Variants in SEMA5A observed in about 807,000 individuals in gnomAD.
The protein encoded by SEMA5A is semaphorin-5A.
SEMA5A carries 55 observed loss-of-function variants against 135.5 expected under a neutral mutation model. The ratio of observed to expected loss-of-function variants is 0.41; its 90% CI spans 0.33 to 0.51. SEMA5A has a LOEUF of 0.51. Ranked by LOEUF, SEMA5A falls within the 20% of genes least tolerant of loss-of-function variation. SEMA5A has a pLI of 0.37. For missense variants in SEMA5A, 1,290 were observed against 1,419.9 expected (o/e 0.91, Z 1.47); for synonymous variants, 580 against 546.5 (o/e 1.06, Z -0.85).
At chr5:9,416,507 G>A (rs865943026) in intron 2 of SEMA5A, among the ~76,000 whole-genome samples, 5 of 152,244 alleles carry the variant, frequency 3.3e-5, no homozygotes, top group African/African-American at 4.8e-5. Flanking sequence ...TGCCTACCTC[G>A]CCCCTACCCC....
rs370138970 is a variant in SEMA5A, at chr5:9,245,479, G to A, written c.271-7589C>T. Among the ~76,000 whole-genome samples the A allele has an allele frequency of 2.9e-4, 44 of 151,952 alleles. No homozygotes were observed. In the East Asian group the frequency reaches 3.7e-3, roughly 13 times the overall value. The stretch of plus-strand genomic sequence containing the variant: ...GTGACTGCTGAGTCATAACACCCTC[G>A]GTATCCAAGCATTTCTGTATTTTGT... On this transcript the variant is annotated intron_variant, in intron 5 of 22. Transcript: ENST00000382496.
intron 6 of SEMA5A, among the ~76,000 whole-genome samples, chr5:9,229,523 G>A (rs1372332196): frequency 6.6e-6 from 1 of 152,122 alleles, no homozygotes; most frequent in Non-Finnish European, 1.5e-5. Context: ...GCCTGTCAGA[G>A]GAGACCCACA....
chr5:9,108,361 C>T, intron 15 of SEMA5A, 74 bp from the exon 16 acceptor site: 1 of 1,550,758 alleles, frequency 6.4e-7, no homozygotes, highest in South Asian at 1.2e-5. Flanking sequence ...CCATCTCCAT[C>T]CCTGCACCAG....
chr5:9,060,490 T>C (rs747615569), intron 18 of SEMA5A, among the ~76,000 whole-genome samples: 6 of 152,092 alleles, frequency 3.9e-5, no homozygotes, highest in Non-Finnish European at 8.8e-5. Context: ...TGTTCCAGTT[T>C]ATAGCATGGA....
At chr5:9,324,489 C>T (rs1375405432) in intron 4 of SEMA5A, among the ~76,000 whole-genome samples, 1 of 152,182 alleles carries the variant, frequency 6.6e-6, no homozygotes, top group East Asian at 1.9e-4. Context: ...AATCTCTTTC[C>T]TTGAACTATT....
intron 1 of SEMA5A, among the ~76,000 whole-genome samples, chr5:9,469,243 G>T (rs1278014884): frequency 6.6e-6 from 1 of 152,154 alleles, no homozygotes; most frequent in Non-Finnish European, 1.5e-5. Flanking sequence ...TCCTGACCTT[G>T]TGATCCACCT....
chr5:9,275,932 C>T (rs549728339), intron 5 of SEMA5A, among the ~76,000 whole-genome samples: 44 of 152,262 alleles, frequency 2.9e-4, no homozygotes, highest in African/African-American at 8.7e-4. Flanking sequence ...ACCACTCCAA[C>T]TCAACATAAT....
At chr5:9,482,137 A>C (rs1759901392) in intron 1 of SEMA5A, among the ~76,000 whole-genome samples, 1 of 152,194 alleles carries the variant, frequency 6.6e-6, no homozygotes, top group Admixed American at 6.5e-5. Context: ...AGTCCAGTTG[A>C]GTACAGAGTG....
intron 5 of SEMA5A, among the ~76,000 whole-genome samples, chr5:9,275,697 G>A (rs771571633): frequency 4.6e-5 from 7 of 152,074 alleles, no homozygotes; most frequent in Non-Finnish European, 7.4e-5. Context: ...ATCAGTCAAG[G>A]TAATCCATCA....
At chr5:9,395,445 C>G (rs13185160) in intron 2 of SEMA5A, among the ~76,000 whole-genome samples, 6,731 of 152,246 alleles carry the variant, frequency 0.044, 210 homozygotes, top group Middle Eastern at 0.078. Flanking sequence ...GATAGCCATT[C>G]CTAAAACTGG....
intron 5 of SEMA5A, among the ~76,000 whole-genome samples, chr5:9,259,429 A>G (rs1288586843): frequency 2.0e-5 from 3 of 151,654 alleles, no homozygotes; most frequent in South Asian, 2.1e-4. Context: ...AGTTTGTTAT[A>G]ATTTCTGTTC....
chr5:9,258,958 A>G (rs7717292), intron 5 of SEMA5A, among the ~76,000 whole-genome samples: 58,790 of 151,474 alleles, frequency 0.39, 11,727 homozygotes, highest in East Asian at 0.48. Context: ...AAGTACCTGC[A>G]ACCACAGGGG....
chr5:9,285,651 T>A (rs990022639), intron 5 of SEMA5A, among the ~76,000 whole-genome samples: 3 of 152,202 alleles, frequency 2.0e-5, no homozygotes, highest in African/African-American at 7.2e-5. Context: ...GCTTGATCTA[T>A]CTCCCTGCCA....
chr5:9,281,963 C>T (rs1368418470), intron 5 of SEMA5A, among the ~76,000 whole-genome samples: 1 of 151,912 alleles, frequency 6.6e-6, no homozygotes, highest in Non-Finnish European at 1.5e-5. Context: ...CAGGCACTTG[C>T]CACCACGCCC....
In SEMA5A at chr5:9,393,886, G is replaced by A. The variant is rs537427719; in HGVS notation, c.-77-13863C>T. Among the ~76,000 whole-genome samples the A allele has an allele frequency of 1.4e-4, 21 of 152,200 alleles. No individual in the cohort carries two copies. The East Asian group carries it at 2.3e-3, about 17-fold the overall frequency. ...GCAAAAAATTAGAAATAATACAGGT[G>A]TCCATTGAGAGAATGCAAATATTCA... On this transcript the variant is annotated intron_variant, in intron 2 of 22. Coordinates refer to ENST00000382496, the MANE Select transcript of SEMA5A (RefSeq NM_003966.3).
chr5:9,100,781 G>A (rs752606077), intron 16 of SEMA5A, among the ~76,000 whole-genome samples: 12 of 152,034 alleles, frequency 7.9e-5, no homozygotes, highest in East Asian at 1.9e-4. Flanking sequence ...TACATGTCTC[G>A]GAGGCTTTGA....
chr5:9,361,162 G>A (rs938593921), intron 3 of SEMA5A, among the ~76,000 whole-genome samples: 3 of 152,048 alleles, frequency 2.0e-5, no homozygotes, highest in African/African-American at 7.2e-5. Context: ...AGCCGGGCAA[G>A]TTGGTGGGCG....
intron 5 of SEMA5A, among the ~76,000 whole-genome samples, chr5:9,284,378 T>C (rs1750691769): frequency 6.6e-6 from 1 of 152,188 alleles, no homozygotes; most frequent in African/African-American, 2.4e-5. Flanking sequence ...CAAAAGACCT[T>C]CAGTTTCATA....
intron 5 of SEMA5A, among the ~76,000 whole-genome samples, chr5:9,244,400 A>T (rs949632475): frequency 3.9e-5 from 6 of 152,146 alleles, no homozygotes; most frequent in Non-Finnish European, 7.4e-5. Flanking sequence ...AAGCAGACAC[A>T]TTCCCTATGG....
Sources: allele counts gnomAD v4.1 joint callset (sites outside exome capture counted in the v4.1 genomes callset), GRCh38; gene constraint gnomAD v4.1.1; transcripts MANE v1.5; gene names NCBI Gene and HGNC (gene_info 2026-07-23, HGNC 2026-07-21).